Variants in ALPK1 observed in about 807,000 individuals in gnomAD.
ALPK1 encodes alpha-protein kinase 1.
In ALPK1, 110 loss-of-function variants were observed where a neutral mutation model predicts 120.6. That is an observed-to-expected ratio of 0.91 (90% CI 0.78 to 1.07). The LOEUF (loss-of-function observed/expected upper bound fraction) is 1.07. Among genes scored for constraint, ALPK1 ranks in the 50% least tolerant of loss-of-function variants. The pLI is 0.00. For synonymous variants in ALPK1, 582 were observed against 560.3 expected (o/e 1.04, Z -0.55); for missense variants, 1,498 against 1,483.9 (o/e 1.01, Z -0.16).
intron 4 of ALPK1, among the ~76,000 whole-genome samples, chr4:112,399,082 C>T (rs982748711): frequency 4.6e-5 from 7 of 151,998 alleles, no homozygotes; most frequent in African/African-American, 7.2e-5. Context: ...AGTATGCATT[C>T]GAGGAAAGAG....
rs142324764 is a variant in ALPK1 at position 112,312,616 on chromosome 4, C to T, written c.-152-3185C>T. Reference sequence around the variant, plus strand: ...TAAAGACAAATACAGCATGGAGACTCTTTAAGATTTTAATGATTTAAATAC... The same window carrying T: ...TAAAGACAAATACAGCATGGAGACTTTTTAAGATTTTAATGATTTAAATAC... On this transcript the variant is annotated intron_variant, in intron 1 of 15. Transcript: ENST00000650871. Among the ~76,000 whole-genome samples the T allele has an allele frequency of 4.0e-3, 613 of 152,302 alleles. 2 individuals are homozygous for T. Among genetic ancestry groups the T allele is most frequent in the African/African-American group, 0.013 (546 of 41,560 alleles).
At chr4:112,388,726 A>G (rs1299650946) in intron 4 of ALPK1, among the ~76,000 whole-genome samples, 2 of 152,206 alleles carry the variant, frequency 1.3e-5, no homozygotes, top group African/African-American at 4.8e-5. Flanking sequence ...GAACACTCAA[A>G]GAAGTGCAGA....
In ALPK1 at chr4:112,440,918, T is replaced by C. The variant is rs202004550; in HGVS notation, c.3540T>C (p.Gly1180=). The C allele has an allele frequency of 1.3e-4, 208 of 1,608,308 alleles. No individual in the cohort carries two copies. Among genetic ancestry groups the C allele is most frequent in the Non-Finnish European group, 1.7e-4 (195 of 1,177,716 alleles). The change falls in exon 15 of 16, where the codon GGT becomes GGC. Residue 1180 remains glycine (G), a splice_region_variant and synonymous_variant. Transcript: ENST00000650871. ...NHRDVVVDLQ[G]WVTGNGKGLI... ...CAGGTGTGTTCATTTCTCTTTTAGGTTGGGTAACCGGTAATGGAAAAGGAC... is the reference window on the plus strand; with the variant it reads ...CAGGTGTGTTCATTTCTCTTTTAGGCTGGGTAACCGGTAATGGAAAAGGAC...
chr4:112,420,814 GTA>G (rs1733958642), intron 5 of ALPK1, among the ~76,000 whole-genome samples: 1 of 151,326 alleles, frequency 6.6e-6, no homozygotes, highest in Admixed American at 6.6e-5. Context: ...TAAAATGCAT[GTA>G]TATACTCATA....
intron 4 of ALPK1, among the ~76,000 whole-genome samples, chr4:112,385,891 T>G (rs755331694): frequency 2.0e-5 from 3 of 152,212 alleles, no homozygotes; most frequent in Non-Finnish European, 4.4e-5. Context: ...AAATATAAAC[T>G]TTCTGTGATT....
At chr4:112,299,741 A>G (rs138272780) in intron 1 of ALPK1, among the ~76,000 whole-genome samples, 13 of 152,314 alleles carry the variant, frequency 8.5e-5, no homozygotes, top group Admixed American at 7.8e-4. Flanking sequence ...GAAATATTTT[A>G]TCAAACGTTT....
intron 4 of ALPK1, among the ~76,000 whole-genome samples, chr4:112,406,923 T>C (rs908579052): frequency 3.3e-5 from 5 of 152,162 alleles, no homozygotes; most frequent in Non-Finnish European, 5.9e-5. Context: ...CTGTCTATTC[T>C]TTGTCAAATT....
At chr4:112,349,557 C>CT (rs1436387287) in intron 2 of ALPK1, among the ~76,000 whole-genome samples, 2 of 143,016 alleles carry the variant, frequency 1.4e-5, no homozygotes, top group Non-Finnish European at 3.0e-5. Flanking sequence ...CCCTGCCCCC[C>CT]CCCGCTTTAT....
chr4:112,323,313 C>T (rs1426562637), intron 2 of ALPK1, among the ~76,000 whole-genome samples: 1 of 152,146 alleles, frequency 6.6e-6, no homozygotes, highest in African/African-American at 2.4e-5. Flanking sequence ...CACAATCATT[C>T]TTTGCCCATT....
At chr4:112,404,153 G>C (rs1733060889) in intron 4 of ALPK1, among the ~76,000 whole-genome samples, 1 of 152,210 alleles carries the variant, frequency 6.6e-6, no homozygotes, top group South Asian at 2.1e-4. Flanking sequence ...AAAAAAATGA[G>C]AGGTTTAGCC....
At chr4:112,325,803 G>A (rs1358592177) in intron 2 of ALPK1, among the ~76,000 whole-genome samples, 2 of 152,170 alleles carry the variant, frequency 1.3e-5, no homozygotes, top group African/African-American at 4.8e-5. Flanking sequence ...AATGATTTGA[G>A]TTTTTAAGCA....
intron 8 of ALPK1, 102 bp downstream of exon 8, chr4:112,426,645 C>A: frequency 9.8e-7 from 1 of 1,021,894 alleles, no homozygotes; most frequent in Non-Finnish European, 1.4e-6. Flanking sequence ...TTTCATCTGT[C>A]CTATTTTTAT....
chr4:112,430,866 G>A lies in ALPK1; in HGVS notation c.1319G>A (p.Arg440Lys), dbSNP rs754959681. 1 of 1,614,116 alleles carries A rather than the reference G, an allele frequency of 6.2e-7. No homozygotes were observed. Among genetic ancestry groups the A allele is most frequent in the African/African-American group, 1.3e-5 (1 of 75,034 alleles). The change falls in exon 11 of 16, where the codon AGG becomes AAG. Residue 440 changes from arginine to lysine, a missense_variant. Physicochemically the swap from Arg to Lys is conservative, Grantham distance 26. Transcript: ENST00000650871. ...TATGTTCCCGAGAGTTTCGAGTGCA[G>A]GTTGGATAAACTTATCTTGCATGGG... ...RSYVPESFECRLDKLILHGQG... is the reference protein window; with the variant it reads ...RSYVPESFECKLDKLILHGQG...
At chr4:112,376,048 A>G (rs1056645527) in intron 2 of ALPK1, among the ~76,000 whole-genome samples, 3 of 152,166 alleles carry the variant, frequency 2.0e-5, no homozygotes, top group African/African-American at 7.2e-5. Context: ...TTATGGATTA[A>G]CTTTGCTGGC....
At chr4:112,405,961 C>T (rs766152587) in intron 4 of ALPK1, among the ~76,000 whole-genome samples, 3 of 152,040 alleles carry the variant, frequency 2.0e-5, no homozygotes, top group Non-Finnish European at 4.4e-5. Flanking sequence ...TGAACTGATG[C>T]TCAAGAGAGT....
chr4:112,368,936 T>C (rs1731275195), intron 2 of ALPK1, among the ~76,000 whole-genome samples: 1 of 152,214 alleles, frequency 6.6e-6, no homozygotes, highest in Non-Finnish European at 1.5e-5. Context: ...TACAAGACAG[T>C]GAAACCAGTT....
At chr4:112,374,707 T>C (rs537556044) in intron 2 of ALPK1, among the ~76,000 whole-genome samples, 1 of 152,358 alleles carries the variant, frequency 6.6e-6, no homozygotes, top group South Asian at 2.1e-4. Flanking sequence ...GTAGAATGAA[T>C]GTTATATCAG....
At chr4:112,336,021 A>G (rs548178936) in intron 2 of ALPK1, among the ~76,000 whole-genome samples, 2 of 152,178 alleles carry the variant, frequency 1.3e-5, no homozygotes, top group South Asian at 4.2e-4. Flanking sequence ...CAACCAACCA[A>G]CCAATCCATG....
Position 112,426,559 on chromosome 4 carries a change from CTTCT to C in ALPK1, c.699+19_699+22del. On this transcript the variant is annotated intron_variant, in intron 8 of 15. Transcript: ENST00000650871. The stretch of plus-strand genomic sequence containing the variant: ...GGATAAAAAGGTGGTTTGTCTAGTG[CTTCT>C]TTTTCTCCTTTCCTGTATTTGTCTT... 1 of 1,514,188 alleles carries C rather than the reference CTTCT, an allele frequency of 6.6e-7. No homozygotes were observed. The highest frequency in any genetic ancestry group is 2.5e-5 in the East Asian group (1 of 40,282). 93.8% of individuals were successfully genotyped at this position (1,514,188 alleles called of 1,614,324 possible).
Sources: gnomAD v4.1 joint callset for allele counts (sites outside exome capture counted in the v4.1 genomes callset) on GRCh38, gnomAD v4.1.1 for gene constraint, MANE v1.5 for transcripts, NCBI Gene and HGNC (gene_info 2026-07-23, HGNC 2026-07-21) for gene names.